The following SERPINB12 variants were observed in gnomAD, a reference collection of about 807,000 sequenced individuals.
SERPINB12 encodes the protein serpin B12.
A neutral mutation model predicts 41.1 loss-of-function variants in SERPINB12; 57 were observed. The ratio of observed to expected loss-of-function variants is 1.39; its 90% confidence interval spans 1.12 to 1.73. The LOEUF (loss-of-function observed/expected upper bound fraction) is 1.73. SERPINB12 is among the 40% of genes most tolerant of loss of function. The probability of loss-of-function intolerance (pLI) is 0.00; values close to 1 mark genes in which losing one functional copy is unlikely to be tolerated. For missense variants in SERPINB12, 536 were observed against 501.9 expected (o/e 1.07, Z -0.65); for synonymous variants, 180 against 181.3 (o/e 0.99, Z 0.06).
In SERPINB12 at chr18:63,568,057, A is replaced by G. The variant is rs1331121937; in HGVS notation, c.*1046A>G. On this transcript the variant is annotated 3_prime_UTR_variant, in exon 8 of 8. Coordinates refer to ENST00000382768, the MANE Select transcript of SERPINB12 (RefSeq NM_001307928.2). ...TCATGCCAGACCACATGGTGACAAC[A>G]GGCTTGAGCCTGGGCATGGTGTCCA... Among the ~76,000 whole-genome samples the G allele has an allele frequency of 6.6e-6, 1 of 152,218 alleles. No homozygotes were observed. The highest frequency in any genetic ancestry group is 1.5e-5 in the Non-Finnish European group (1 of 68,032).
At chr18:63,529,287 A>G in the SERPINB12 span, among the ~76,000 whole-genome samples, 292 of 152,344 alleles carry the variant, frequency 1.9e-3, no homozygotes, top group Non-Finnish European at 2.6e-3. Context: ...AAGAATCAAT[A>G]GCAAGGATGG....
At chr18:63,563,857 T>C (rs1910996480) in intron 5 of SERPINB12, 121 bp from the exon 6 acceptor site, 3 of 904,316 alleles carry the variant, frequency 3.3e-6, no homozygotes, top group Non-Finnish European at 5.0e-6. Flanking sequence ...GATCACGCCA[T>C]TGCACTCCAG....
At chr18:63,559,869 C>T (rs1444731766) in intron 4 of SERPINB12, 151 bp downstream of exon 4, 5 of 701,962 alleles carry the variant, frequency 7.1e-6, no homozygotes, top group Non-Finnish European at 1.2e-5. Flanking sequence ...GGACCTCCCT[C>T]TTTCAGTCCC....
chr18:63,538,177 T>C (rs546908104), upstream of SERPINB12, among the ~76,000 whole-genome samples: 14 of 152,312 alleles, frequency 9.2e-5, no homozygotes, highest in South Asian at 4.1e-4. Context: ...GCACTTTTCC[T>C]AGAAAACTAC....
chr18:63,526,158 T>G, the SERPINB12 span, among the ~76,000 whole-genome samples: 1 of 152,174 alleles, frequency 6.6e-6, no homozygotes, highest in Non-Finnish European at 1.5e-5. Flanking sequence ...TAAACACTTA[T>G]TTTTTTCCTT....
At chr18:63,555,542 T>C (rs1050792409) in intron 1 of SERPINB12, among the ~76,000 whole-genome samples, 1 of 152,238 alleles carries the variant, frequency 6.6e-6, no homozygotes, top group South Asian at 2.1e-4. Flanking sequence ...CCTGTGAATA[T>C]GACCTTGTTT....
the SERPINB12 span, among the ~76,000 whole-genome samples, chr18:63,520,448 G>A: frequency 6.6e-6 from 1 of 152,220 alleles, no homozygotes. Flanking sequence ...TGTCAGTGGA[G>A]AATGAGTCAC....
chr18:63,526,914 G>T, the SERPINB12 span, among the ~76,000 whole-genome samples: 4 of 152,090 alleles, frequency 2.6e-5, no homozygotes, highest in Non-Finnish European at 5.9e-5. Flanking sequence ...ATTGCCTGTT[G>T]CTACAAACCT....
In SERPINB12 at chr18:63,556,269, C is replaced by G; in HGVS notation, c.110C>G (p.Ala37Gly). The G allele has an allele frequency of 6.2e-7, 1 of 1,614,144 alleles. No individual in the cohort carries two copies. The highest frequency in any genetic ancestry group is 8.5e-7 in the Non-Finnish European group (1 of 1,179,982). The change falls in exon 2 of 8, where the codon GCT becomes GGT. Residue 37 changes from alanine (A) to glycine (G), a missense_variant. By Grantham distance (60) the Ala-to-Gly change is moderately conservative. Coordinates refer to ENST00000382768, the MANE Select transcript of SERPINB12 (RefSeq NM_001307928.2). Reference protein sequence around the residue: ...NIFFSPLSLSAALGMVRLGAR... With the variant: ...NIFFSPLSLSGALGMVRLGAR... Reference sequence around the variant, plus strand: ...TTTTTCTCTCCCCTGAGCCTCTCAGCTGCCCTTGGTATGGTACGCTTGGGT... The same window carrying G: ...TTTTTCTCTCCCCTGAGCCTCTCAGGTGCCCTTGGTATGGTACGCTTGGGT...
intron 1 of SERPINB12, among the ~76,000 whole-genome samples, chr18:63,545,168 C>T (rs1910356403): frequency 6.6e-6 from 1 of 151,574 alleles, no homozygotes; most frequent in Non-Finnish European, 1.5e-5. Context: ...TAGCTCTATA[C>T]TTGATGAAGT....
At chr18:63,539,645 A>AT (rs889083935), upstream of SERPINB12, among the ~76,000 whole-genome samples, 115 of 152,114 alleles carry the variant, frequency 7.6e-4, no homozygotes, top group African/African-American at 2.7e-3. Flanking sequence ...AAATCTTGTC[A>AT]TTTTTTGTGG....
intron 1 of SERPINB12, among the ~76,000 whole-genome samples, chr18:63,547,411 A>G (rs1451874838): frequency 6.6e-6 from 1 of 151,848 alleles, no homozygotes; most frequent in Non-Finnish European, 1.5e-5. Flanking sequence ...TATTGTTCAC[A>G]AGTATTTCTT....
intron 1 of SERPINB12, among the ~76,000 whole-genome samples, chr18:63,545,160 G>T (rs760378095): frequency 6.6e-6 from 1 of 151,870 alleles, no homozygotes; most frequent in Non-Finnish European, 1.5e-5. Flanking sequence ...GAATCATCTA[G>T]CTCTATACTT....
At position 63,559,708 on chromosome 18, in the gene SERPINB12, C is replaced by T; in HGVS notation, c.434C>T (p.Pro145Leu). ...ANRLYGEQEF[P>L]ICQEYLDGVI... ...AGGCTTTATGGAGAGCAGGAATTCC[C>T]AATCTGTCAGGTGAGTTGCACACGA... Residue 145 changes from proline to leucine, a missense_variant, in exon 4 of 8, where the codon CCA becomes CTA. Coordinates refer to ENST00000382768, the MANE Select transcript of SERPINB12 (RefSeq NM_001307928.2). The T allele has an allele frequency of 6.2e-7, 1 of 1,614,032 alleles. No homozygotes were observed. Among genetic ancestry groups the T allele is most frequent in the Non-Finnish European group, 8.5e-7 (1 of 1,179,936 alleles).
In SERPINB12 at chr18:63,558,488, T is replaced by G. The variant is rs1487137175; in HGVS notation, c.303+2T>G. 7 of 1,607,820 alleles carry G rather than the reference T, an allele frequency of 4.4e-6. No homozygotes were observed. Among genetic ancestry groups the G allele is most frequent in the South Asian group, 1.1e-5 (1 of 89,810 alleles). On this transcript the variant is annotated splice_donor_variant, in intron 3 of 7. Transcript: ENST00000382768. LOFTEE classifies it high-confidence loss of function. ...ACGACAGAGCCTCTGGATCAGCAGG[T>G]GAACCGCCACCGTAGAAAACTCTTG...
intron 2 of SERPINB12, among the ~76,000 whole-genome samples, chr18:63,558,145 A>T (rs1440593877): frequency 6.6e-6 from 1 of 152,116 alleles, no homozygotes; most frequent in Non-Finnish European, 1.5e-5. Context: ...TTATTCATAA[A>T]TGCTCTCCCA....
chr18:63,542,325 G>C (rs558076263), upstream of SERPINB12, among the ~76,000 whole-genome samples: 3 of 152,292 alleles, frequency 2.0e-5, no homozygotes, highest in South Asian at 6.2e-4. Flanking sequence ...TAATTGTCCT[G>C]ATTCACAAAC....
chr18:63,554,931 G>T (rs1270631874), intron 1 of SERPINB12, among the ~76,000 whole-genome samples: 1 of 152,122 alleles, frequency 6.6e-6, no homozygotes. Context: ...AGATCTGATG[G>T]TTTTATAAGT....
the SERPINB12 span, among the ~76,000 whole-genome samples, chr18:63,528,252 C>T: frequency 6.6e-6 from 1 of 151,940 alleles, no homozygotes; most frequent in African/African-American, 2.4e-5. Flanking sequence ...CACAAATTAT[C>T]CTTGGTGTAA....
Sources: gnomAD v4.1 joint callset for allele counts (sites outside exome capture counted in the v4.1 genomes callset) on GRCh38, gnomAD v4.1.1 for gene constraint, MANE v1.5 for transcripts, NCBI Gene and HGNC (gene_info 2026-07-23, HGNC 2026-07-21) for gene names.